The following MACROD2 variants were observed in gnomAD, a reference collection of about 807,000 sequenced individuals.
MACROD2 encodes ADP-ribose glycohydrolase MACROD2.
A neutral mutation model predicts 70.4 loss-of-function variants in MACROD2; 36 were observed. That is an observed-to-expected ratio of 0.51 (90% confidence interval 0.39 to 0.68). MACROD2 has a LOEUF of 0.68. Among genes scored for constraint, MACROD2 ranks in the 30% least tolerant of loss-of-function variants. The pLI, the probability that MACROD2 is intolerant of heterozygous loss-of-function variation, is 0.00. For synonymous variants in MACROD2, 172 were observed against 178.8 expected (o/e 0.96, Z 0.30); for missense variants, 496 against 538.4 (o/e 0.92, Z 0.78).
chr20:15,967,454 C>G, intron 12 of MACROD2, 99 bp from the exon 13 acceptor site: 3 of 983,914 alleles, frequency 3.0e-6, no homozygotes, highest in Non-Finnish European at 4.5e-6. Flanking sequence ...CGAATAAATT[C>G]TATTTTTCCT....
intron 8 of MACROD2, among the ~76,000 whole-genome samples, chr20:15,845,486 C>A (rs1049561304): frequency 6.6e-6 from 1 of 151,516 alleles, no homozygotes; most frequent in African/African-American, 2.4e-5. Context: ...TCACCTTGAT[C>A]AAGGAAATGA....
chr20:15,991,981 A>G (rs1160498626), intron 15 of MACROD2, among the ~76,000 whole-genome samples: 3 of 152,202 alleles, frequency 2.0e-5, no homozygotes, highest in African/African-American at 7.2e-5. Context: ...TATGTATGCA[A>G]TGTAAACATA....
At chr20:14,532,395 T>A (rs953650930) in intron 4 of MACROD2, among the ~76,000 whole-genome samples, 22 of 151,604 alleles carry the variant, frequency 1.5e-4, no homozygotes, top group Non-Finnish European at 3.1e-4. Flanking sequence ...TTTTTTTTTT[T>A]TTTTTATTTA....
At chr20:14,431,010 G>A (rs1250756155) in intron 3 of MACROD2, among the ~76,000 whole-genome samples, 1 of 152,078 alleles carries the variant, frequency 6.6e-6, no homozygotes, top group Non-Finnish European at 1.5e-5. Flanking sequence ...TTGTTTAAGA[G>A]AGAAATAAAC....
chr20:14,376,279 C>T (rs1164223181), intron 3 of MACROD2, among the ~76,000 whole-genome samples: 1 of 152,056 alleles, frequency 6.6e-6, no homozygotes, highest in Admixed American at 6.6e-5. Flanking sequence ...TCAATTTACA[C>T]CTTTACACTT....
chr20:14,694,504 A>G (rs2071099289), intron 5 of MACROD2, among the ~76,000 whole-genome samples: 2 of 152,206 alleles, frequency 1.3e-5, no homozygotes, highest in East Asian at 3.8e-4. Context: ...TGAGAATTTA[A>G]TAACTGTTAA....
At chr20:15,216,600 A>C (rs2076812555) in intron 5 of MACROD2, among the ~76,000 whole-genome samples, 1 of 152,170 alleles carries the variant, frequency 6.6e-6, no homozygotes, top group Non-Finnish European at 1.5e-5. Context: ...GGAAGTCTCC[A>C]ATTTCTTCCC....
intron 3 of MACROD2, among the ~76,000 whole-genome samples, chr20:14,312,497 G>A (rs2082576158): frequency 6.6e-5 from 10 of 152,124 alleles, no homozygotes; most frequent in Admixed American, 6.5e-4. Context: ...GCACTACCAT[G>A]TACAAAGCAC....
At chr20:15,376,375 T>TG (rs2045562248) in intron 6 of MACROD2, among the ~76,000 whole-genome samples, 1 of 152,126 alleles carries the variant, frequency 6.6e-6, no homozygotes, top group African/African-American at 2.4e-5. Context: ...TATCCTGAGA[T>TG]GGGGAAGAAG....
intron 8 of MACROD2, among the ~76,000 whole-genome samples, chr20:15,820,277 A>G (rs891192839): frequency 6.6e-6 from 1 of 151,976 alleles, no homozygotes; most frequent in Non-Finnish European, 1.5e-5. Flanking sequence ...TGCAGCCTCA[A>G]CCTCCCAGGC....
At chr20:15,018,927 G>A (rs2075142564) in intron 5 of MACROD2, among the ~76,000 whole-genome samples, 1 of 152,216 alleles carries the variant, frequency 6.6e-6, no homozygotes, top group Non-Finnish European at 1.5e-5. Flanking sequence ...ATGAGTAAAA[G>A]CTTCCAGAGG....
intron 5 of MACROD2, among the ~76,000 whole-genome samples, chr20:14,941,794 T>G (rs1174876846): frequency 6.6e-6 from 1 of 150,402 alleles, no homozygotes; most frequent in African/African-American, 2.5e-5. Flanking sequence ...TTTTTTTTTC[T>G]TTTTTGTTTG....
chr20:15,487,875 T>C (rs1021144905), intron 7 of MACROD2, among the ~76,000 whole-genome samples: 1 of 152,168 alleles, frequency 6.6e-6, no homozygotes, highest in African/African-American at 2.4e-5. Context: ...CTTTCTTTCT[T>C]CTACACTAAG....
chr20:14,759,610 T>C (rs1221045456), intron 5 of MACROD2, among the ~76,000 whole-genome samples: 1 of 152,152 alleles, frequency 6.6e-6, no homozygotes, highest in African/African-American at 2.4e-5. Flanking sequence ...GAAATAATTT[T>C]AATTTACAGT....
At chr20:14,927,867 C>G (rs2074252505) in intron 5 of MACROD2, among the ~76,000 whole-genome samples, 1 of 152,122 alleles carries the variant, frequency 6.6e-6, no homozygotes, top group Non-Finnish European at 1.5e-5. Flanking sequence ...TTGCTTTTTT[C>G]TTCTGCACTT....
chr20:15,389,056 T>C (rs1368478497), intron 6 of MACROD2, among the ~76,000 whole-genome samples: 1 of 151,962 alleles, frequency 6.6e-6, no homozygotes. Flanking sequence ...TCACTGGTGG[T>C]TTCATCAAGT....
intron 6 of MACROD2, among the ~76,000 whole-genome samples, chr20:15,428,223 C>A (rs1260224456): frequency 6.6e-6 from 1 of 152,306 alleles, no homozygotes; most frequent in South Asian, 2.1e-4. Context: ...AAAAGCAGTG[C>A]TCAGAGTAGT....
At chr20:14,795,600 A>C (rs2072500803) in intron 5 of MACROD2, among the ~76,000 whole-genome samples, 1 of 152,188 alleles carries the variant, frequency 6.6e-6, no homozygotes, top group Non-Finnish European at 1.5e-5. Flanking sequence ...ACATCTGTGA[A>C]ATATTCAAGT....
intron 17 of MACROD2, among the ~76,000 whole-genome samples, chr20:16,046,035 T>C (rs1264039175): frequency 6.6e-6 from 1 of 152,154 alleles, no homozygotes; most frequent in East Asian, 1.9e-4. Flanking sequence ...GAATCATGGG[T>C]CATCTAGTGT....
Sources: allele counts gnomAD v4.1 joint callset (sites outside exome capture counted in the v4.1 genomes callset), GRCh38; gene constraint gnomAD v4.1.1; transcripts MANE v1.5; gene names NCBI Gene and HGNC (gene_info 2026-07-23, HGNC 2026-07-21).